The following FAM9A variants were observed in gnomAD, a reference collection of about 807,000 sequenced individuals.
FAM9A encodes family with sequence similarity 9 member A, also known as protein FAM9A.
In FAM9A, 49 loss-of-function variants were observed where a neutral mutation model predicts 25.0. The observed-to-expected ratio is 1.96, with a 90% CI of 1.56 to 2.48. The LOEUF (loss-of-function observed/expected upper bound fraction) is 2.48, where lower values mean the gene tolerates loss of function less well. Ranked by LOEUF, FAM9A falls within the 30% of genes most tolerant of loss-of-function variation. The probability of loss-of-function intolerance (pLI) is 0.00; values close to 1 mark genes in which losing one functional copy is unlikely to be tolerated. For missense variants in FAM9A, 266 were observed against 249.3 expected, an observed-to-expected ratio of 1.07 and a Z score of -0.45; for synonymous variants, 80 against 85.1, an observed-to-expected ratio of 0.94 and a Z score of 0.33.
chrX:8,793,758 T>C lies in FAM9A; in HGVS notation c.832-2A>G, dbSNP rs1228928264. ...CTTCTGTTTTTCTTGAAATGCTTTCTAGAAGCACAAAAAAATAGTGATGAA... is the reference window on the plus strand; with the variant it reads ...CTTCTGTTTTTCTTGAAATGCTTTCCAGAAGCACAAAAAAATAGTGATGAA... On this transcript the variant is annotated splice_acceptor_variant, in intron 7 of 9. Transcript: ENST00000381003. LOFTEE classifies it high-confidence loss of function. 1 of 1,173,874 alleles carries C rather than the reference T, an allele frequency of 8.5e-7. No individual in the cohort carries two copies. The highest frequency in any genetic ancestry group is 1.2e-6 in the Non-Finnish European group (1 of 863,512).
Position 8,796,287 on chromosome X carries a change from T to C in FAM9A, c.469A>G (p.Lys157Glu), listed in dbSNP as rs148845060. ...KTKNTIERALKKKQLKRQKRD... is the reference protein window; with the variant it reads ...KTKNTIERALEKKQLKRQKRD... ...TCATACCTTTTTAGTTGTTTTTTTT[T>C]CAAAGCACGTTCAATTGTGTTCTTG... Residue 157 changes from lysine to glutamate, a missense_variant, in exon 6 of 10, where the codon AAA (lysine) becomes GAA (glutamate). Physicochemically the swap from Lys to Glu is moderately conservative, Grantham distance 56. Transcript: ENST00000381003. 26 of 1,194,594 alleles carry C rather than the reference T, an allele frequency of 2.2e-5. No individual in the cohort carries two copies. Among genetic ancestry groups the C allele is most frequent in the Non-Finnish European group, 1.1e-5 (10 of 886,584 alleles).
intron 7 of FAM9A, among the ~76,000 whole-genome samples, chrX:8,794,869 C>T (rs1602068741): frequency 8.9e-6 from 1 of 111,961 alleles, no homozygotes; most frequent in African/African-American, 3.3e-5. Flanking sequence ...CAACCGGGCT[C>T]ACTTTAACTT....
intron 1 of FAM9A, among the ~76,000 whole-genome samples, chrX:8,800,770 TCCCCTGCCCC>T (rs1264548926): frequency 5.8e-5 from 3 of 51,690 alleles, no homozygotes; most frequent in African/African-American, 2.3e-4. Flanking sequence ...ACCCCTCCCC[TCCCCTGCCCC>T]CATCCCTGGC....
Position 8,795,225 on chromosome X carries a change from C to T in FAM9A, c.684G>A (p.Glu228=), listed in dbSNP as rs1175959948. The T allele has an allele frequency of 1.8e-6, 2 of 1,113,020 alleles. No individual in the cohort carries two copies. The highest frequency in any genetic ancestry group is 3.7e-5 in the African/African-American group (2 of 53,913). 91.7% of individuals were successfully genotyped at this position (1,113,020 alleles called of 1,213,427 possible). The change falls in exon 7 of 10, where the codon GAG becomes GAA. Residue 228 remains glutamate (E), a synonymous_variant. Transcript: ENST00000381003. ...CCTCCTCTTCTTTCTCCTCCTCCTC[C>T]TCCTTCTCTTCCTCCTCTTCGTCTT... is the stretch of plus-strand genomic sequence containing the variant. ...VVEDEEEEEK[E]EEEEKEEEEE...
intron 8 of FAM9A, among the ~76,000 whole-genome samples, chrX:8,793,010 T>A (rs772916259): frequency 8.9e-6 from 1 of 112,499 alleles, no homozygotes; most frequent in Non-Finnish European, 1.9e-5. Context: ...CAAATTGTCA[T>A]GTAAAACCAT....
chrX:8,798,610 A>G, intron 3 of FAM9A, 131 bp from the exon 4 acceptor site: 8 of 1,073,852 alleles, frequency 7.4e-6, no homozygotes, highest in Non-Finnish European at 8.7e-6. Context: ...AGAGCTATGC[A>G]TGGAATCACT....
At chrX:8,798,909 G>T (rs1474593129) in intron 3 of FAM9A, 57 bp downstream of exon 3, 9 of 1,206,664 alleles carry the variant, frequency 7.5e-6, no homozygotes, top group Non-Finnish European at 1.0e-5. Context: ...GCAAAGAGCA[G>T]ACAGACCGTC....
chrX:8,791,213 C>A, intron 9 of FAM9A, 41 bp from the exon 10 acceptor site: 2 of 807,458 alleles, frequency 2.5e-6, no homozygotes, highest in African/African-American at 2.1e-5. Context: ...ATACACATTT[C>A]TGCAAATAAA....
chrX:8,793,934 A>G (rs780055397), intron 7 of FAM9A, among the ~76,000 whole-genome samples, 178 bp from the exon 8 acceptor site: 1 of 112,601 alleles, frequency 8.9e-6, no homozygotes, highest in Non-Finnish European at 1.9e-5. Context: ...CTAAAATGAT[A>G]TAATAACCTT....
rs778221562 is a variant in FAM9A at position 8,795,181 on chromosome X, T to C, written c.728A>G (p.Glu243Gly). 6.7e-6 allele frequency: 7 copies of C among 1,044,949 alleles called. No individual in the cohort carries two copies. The highest frequency in any genetic ancestry group is 7.8e-6 in the Non-Finnish European group (6 of 769,626). The allele number at this position is 1,044,949 out of a possible 1,213,427, so 86.1% of individuals were successfully genotyped here. A position where few individuals can be genotyped will look rare whatever the true frequency, so the allele number is the denominator to read the frequency against. ...TTCTTCTCCTTCTTCTCCTCCTCCT[T>C]CTTCTTCTCCTTCTTCTTCCTCCTC... ...KEEEEEEGEE[E>G]GGGEEGEEGG... The change falls in exon 7 of 10, where the codon GAA becomes GGA. Residue 243 changes from glutamate to glycine, a missense_variant. Glu to Gly is a moderately conservative substitution (Grantham distance 98, BLOSUM62 -2). Coordinates refer to ENST00000381003, the MANE Select transcript of FAM9A (RefSeq NM_174951.3).
intron 3 of FAM9A, among the ~76,000 whole-genome samples, 153 bp from the exon 4 acceptor site, chrX:8,798,632 C>T (rs1382652386): frequency 3.6e-5 from 4 of 112,425 alleles, no homozygotes; most frequent in Non-Finnish European, 7.5e-5. Context: ...GGCTCCGGAC[C>T]GTTTTACCGA....
intron 7 of FAM9A, among the ~76,000 whole-genome samples, chrX:8,794,218 TCTC>T (rs764000124): frequency 9.0e-4 from 100 of 111,649 alleles, no homozygotes; most frequent in African/African-American, 3.1e-3. Context: ...ACAACAGTGT[TCTC>T]CTCTCCTCTA....
intron 1 of FAM9A, among the ~76,000 whole-genome samples, chrX:8,800,938 C>T (rs1029867189): frequency 6.6e-5 from 5 of 76,035 alleles, no homozygotes; most frequent in African/African-American, 2.5e-4. Flanking sequence ...GCACAAGTCC[C>T]GGGGACACTC....
Position 8,796,326 on chromosome X carries a change from C to A in FAM9A, c.430G>T (p.Ala144Ser), listed in dbSNP as rs1476493965. The A allele has an allele frequency of 8.3e-7, 1 of 1,204,593 alleles. No homozygotes were observed. Among genetic ancestry groups the A allele is most frequent in the South Asian group, 1.8e-5 (1 of 55,551 alleles). ...KREMIKIDKA[A>S]YRKTKNTIER... is the part of the protein sequence containing the mutation. ...ATTGTGTTCTTGGTTTTCCTGTAAG[C>A]TGCTTTATCTATTTTTATCATTTCT... The change falls in exon 6 of 10, where the codon GCT (alanine) becomes TCT (serine). Residue 144 changes from alanine to serine, a missense_variant. Coordinates refer to ENST00000381003, the MANE Select transcript of FAM9A (RefSeq NM_174951.3).
intron 1 of FAM9A, among the ~76,000 whole-genome samples, chrX:8,800,849 C>T (rs1330178885): frequency 1.4e-5 from 1 of 71,938 alleles, no homozygotes. Flanking sequence ...CTGCCACCAC[C>T]CCTCCCTTGC....
rs1179790456 is a variant in FAM9A at position 8,791,190 on chromosome X, TTAAG to T, written c.*32-22_*32-19del. On this transcript the variant is annotated intron_variant, in intron 9 of 9. Transcript: ENST00000381003. Reference sequence around the variant, plus strand: ...TCCAAAAGCTGTTTCAAAAAAAAATTTAAGTAACTGTGATACACATTTCTGCAAA... The same window carrying T: ...TCCAAAAGCTGTTTCAAAAAAAAATTTAACTGTGATACACATTTCTGCAAA... 6.0e-6 allele frequency: 4 copies of T among 661,627 alleles called. No individual in the cohort carries two copies. Among genetic ancestry groups the T allele is most frequent in the African/African-American group, 4.5e-5 (2 of 44,349 alleles). The allele number at this position is 661,627 out of a possible 1,213,427, so 54.5% of individuals were successfully genotyped here.
chrX:8,795,190 CCTT>C lies in FAM9A; in HGVS notation c.716_718del (p.Glu239del), dbSNP rs1255640491. The C allele has an allele frequency of 2.4e-5, 25 of 1,031,734 alleles. No homozygotes were observed. Among genetic ancestry groups the C allele is most frequent in the Middle Eastern group, 2.6e-4 (1 of 3,896 alleles). 85.0% of individuals were successfully genotyped at this position (1,031,734 alleles called of 1,213,427 possible). ...TTCTTCTCCTCCTCCTTCTTCTTCT[CCTT>C]CTTCTTCCTCCTCTTCTTTCTCCTC... On this transcript the variant is annotated inframe_deletion, in exon 7 of 10. Transcript: ENST00000381003.
intron 2 of FAM9A, among the ~76,000 whole-genome samples, chrX:8,799,368 T>C (rs1317312699): frequency 9.1e-6 from 1 of 110,065 alleles, no homozygotes; most frequent in Non-Finnish European, 1.9e-5. Context: ...AGCTCAGCCC[T>C]GCCCCTGTGT....
At chrX:8,794,295 A>G (rs190898224) in intron 7 of FAM9A, among the ~76,000 whole-genome samples, 82 of 111,537 alleles carry the variant, frequency 7.4e-4, no homozygotes, top group African/African-American at 2.6e-3. Flanking sequence ...CAACATCTAC[A>G]TAATATTAAT....
Sources: allele counts gnomAD v4.1 joint callset (sites outside exome capture counted in the v4.1 genomes callset), GRCh38; gene constraint gnomAD v4.1.1; transcripts MANE v1.5; gene names NCBI Gene and HGNC (gene_info 2026-07-23, HGNC 2026-07-21).